TENM4: variants seen among roughly 807,000 people sequenced by gnomAD.
TENM4 encodes teneurin transmembrane protein 4, also known as teneurin-4.
TENM4 carries 82 observed loss-of-function variants against 243.3 expected under a neutral mutation model. That is an observed-to-expected ratio of 0.34 (90% CI 0.28 to 0.40). TENM4 has a LOEUF of 0.40. Ranked by LOEUF, TENM4 falls within the 10% of genes least tolerant of loss-of-function variation. The probability of loss-of-function intolerance (pLI) is 1.00; values close to 1 mark genes in which losing one functional copy is unlikely to be tolerated. For synonymous variants in TENM4, 1,412 were observed against 1,456.3 expected (o/e 0.97, Z 0.69); for missense variants, 3,138 against 3,673.3 (o/e 0.85, Z 3.77).
chr11:78,999,416 T>C (rs1044014466), intron 6 of TENM4, among the ~76,000 whole-genome samples: 3 of 151,968 alleles, frequency 2.0e-5, no homozygotes, highest in Non-Finnish European at 4.4e-5. Context: ...CTCGGGAGGC[T>C]GAGGCAGGAG....
chr11:79,208,187 A>G (rs1863887359), intron 3 of TENM4, among the ~76,000 whole-genome samples: 1 of 152,212 alleles, frequency 6.6e-6, no homozygotes, highest in Non-Finnish European at 1.5e-5. Context: ...AGCAACCAGA[A>G]TACCCATTCC....
intron 3 of TENM4, among the ~76,000 whole-genome samples, chr11:79,180,074 AAT>A (rs1379176207): frequency 2.6e-5 from 4 of 151,792 alleles, no homozygotes; most frequent in African/African-American, 9.7e-5. Context: ...ATTTTATATA[AAT>A]ATGTTTTAGG....
At chr11:79,214,164 T>G (rs1347879428) in intron 3 of TENM4, among the ~76,000 whole-genome samples, 1 of 152,064 alleles carries the variant, frequency 6.6e-6, no homozygotes, top group Non-Finnish European at 1.5e-5. Context: ...GCTAATATTT[T>G]TTTTACTTTT....
At chr11:78,721,561 A>G (rs1432518802) in intron 24 of TENM4, among the ~76,000 whole-genome samples, 1 of 152,240 alleles carries the variant, frequency 6.6e-6, no homozygotes, top group Non-Finnish European at 1.5e-5. Context: ...CCACCATTCT[A>G]GAAGCTGGAC....
In TENM4 at chr11:78,726,096, G is replaced by C. The variant is rs1565350859; in HGVS notation, c.3533C>G (p.Ala1178Gly). ...LGGWSLDKHH[A>G]LNIQSGILHK... ...CCACTTACCACTTTGAATGTTGAGG[G>C]CATGATGTTTGTCTAGGCTCCATCC... Residue 1178 changes from alanine (A) to glycine (G), a missense_variant, in exon 23 of 34, where the codon GCC becomes GGC. By Grantham distance (60) the Ala-to-Gly change is moderately conservative. Transcript: ENST00000278550. The C allele has an allele frequency of 6.2e-7, 1 of 1,613,966 alleles. No homozygotes were observed. The highest frequency in any genetic ancestry group is 8.5e-7 in the Non-Finnish European group (1 of 1,179,884).
At chr11:78,993,135 C>T (rs934041311) in intron 6 of TENM4, among the ~76,000 whole-genome samples, 38 of 152,224 alleles carry the variant, frequency 2.5e-4, no homozygotes, top group Middle Eastern at 3.4e-3. Context: ...GATGAATTCC[C>T]AGCCATTAAA....
chr11:79,299,659 C>T (rs578135545), intron 1 of TENM4, among the ~76,000 whole-genome samples: 49 of 152,220 alleles, frequency 3.2e-4, no homozygotes, highest in African/African-American at 1.0e-3. Flanking sequence ...AAAATAGTAA[C>T]CGAGGAAATA....
intron 4 of TENM4, among the ~76,000 whole-genome samples, chr11:79,109,564 G>A (rs1326063099): frequency 2.0e-5 from 3 of 152,140 alleles, no homozygotes; most frequent in Admixed American, 6.6e-5. Flanking sequence ...CAGGCAGGCC[G>A]AGGTTCAAAT....
intron 1 of TENM4, among the ~76,000 whole-genome samples, chr11:79,320,409 T>A (rs1007151588): frequency 6.6e-6 from 1 of 152,182 alleles, no homozygotes; most frequent in Non-Finnish European, 1.5e-5. Context: ...TTAAAATCAA[T>A]CAAAATAGCA....
intron 19 of TENM4, among the ~76,000 whole-genome samples, chr11:78,755,447 G>C (rs975368680): frequency 5.9e-5 from 9 of 152,300 alleles, no homozygotes; most frequent in African/African-American, 2.2e-4. Flanking sequence ...GGGATTACAG[G>C]CATGAGCCAC....
At chr11:78,932,291 GC>G (rs896596028) in intron 6 of TENM4, among the ~76,000 whole-genome samples, 3 of 152,164 alleles carry the variant, frequency 2.0e-5, no homozygotes, top group African/African-American at 7.2e-5. Context: ...AGGAGCTCCA[GC>G]CCTATGAGAT....
intron 1 of TENM4, among the ~76,000 whole-genome samples, chr11:79,376,179 C>T (rs373109012): frequency 4.6e-4 from 70 of 152,332 alleles, no homozygotes; most frequent in Middle Eastern, 3.4e-3. Context: ...AAGACAAGCC[C>T]TGTCAGCTGC....
intron 2 of TENM4, among the ~76,000 whole-genome samples, chr11:79,234,758 G>A (rs111861636): frequency 0.022 from 3,414 of 152,252 alleles, 115 homozygotes; most frequent in African/African-American, 0.074. Flanking sequence ...AATGGAGGTG[G>A]GTTTATTTCC....
intron 6 of TENM4, among the ~76,000 whole-genome samples, chr11:78,969,411 A>G (rs1270694604): frequency 6.6e-6 from 1 of 152,228 alleles, no homozygotes; most frequent in Non-Finnish European, 1.5e-5. Context: ...AATCTAACCT[A>G]TAAATAGAGC....
chr11:79,170,959 C>A (rs1264054089), intron 3 of TENM4, among the ~76,000 whole-genome samples: 2 of 152,180 alleles, frequency 1.3e-5, no homozygotes, highest in African/African-American at 2.4e-5. Context: ...ATGCCCCAAT[C>A]TCTGTGTGAA....
At chr11:79,032,300 C>T (rs1480828719) in intron 6 of TENM4, among the ~76,000 whole-genome samples, 1 of 152,136 alleles carries the variant, frequency 6.6e-6, no homozygotes, top group Non-Finnish European at 1.5e-5. Flanking sequence ...TTCCCTTTAG[C>T]CTTCTGGAAT....
Position 78,862,932 on chromosome 11 carries a change from C to G in TENM4, c.1255+30G>C, listed in dbSNP as rs904921384. 3 of 1,389,164 alleles carry G rather than the reference C, an allele frequency of 2.2e-6. No homozygotes were observed. In the African/African-American group the frequency reaches 4.4e-5, roughly 20 times the overall value. The allele number at this position is 1,389,164 out of a possible 1,614,324, so 86.1% of individuals were successfully genotyped here. A position where few individuals can be genotyped will look rare whatever the true frequency, so the allele number is the denominator to read the frequency against. On this transcript the variant is annotated intron_variant, in intron 10 of 33. Transcript: ENST00000278550. The stretch of plus-strand genomic sequence containing the variant: ...TCAGCTCAGAGGCAGACACAGAGGA[C>G]TCACAACACGGACAACGCAGCAACC...
chr11:79,425,369 C>A (rs1399563614), intron 1 of TENM4, among the ~76,000 whole-genome samples: 1 of 152,188 alleles, frequency 6.6e-6, no homozygotes, highest in Non-Finnish European at 1.5e-5. Context: ...TGTCTAATCT[C>A]TTCTGGGATG....
At chr11:78,754,438 A>ACGGG (rs1381995001) in intron 19 of TENM4, among the ~76,000 whole-genome samples, 15 of 152,024 alleles carry the variant, frequency 9.9e-5, no homozygotes, top group Non-Finnish European at 1.6e-4. Context: ...GACATACAGG[A>ACGGG]GACGTGTCCC....
Sources: gnomAD v4.1 joint callset for allele counts (sites outside exome capture counted in the v4.1 genomes callset) on GRCh38, gnomAD v4.1.1 for gene constraint, MANE v1.5 for transcripts, NCBI Gene and HGNC (gene_info 2026-07-23, HGNC 2026-07-21) for gene names.